Variants in ZNF7 observed in about 807,000 individuals in gnomAD.
ZNF7 encodes zinc finger protein 7.
In ZNF7, 10 loss-of-function variants were observed where a neutral mutation model predicts 12.0. The ratio of observed to expected loss-of-function variants is 0.83; its 90% confidence interval spans 0.51 to 1.42. ZNF7 has a LOEUF of 1.42. Ranked by LOEUF, ZNF7 falls within the 40% of genes most tolerant of loss-of-function variation. The pLI, the probability that ZNF7 is intolerant of heterozygous loss-of-function variation, is 0.00. For missense variants in ZNF7, 854 were observed against 837.2 expected, an observed-to-expected ratio of 1.02 and a Z score of -0.25; for synonymous variants, 334 against 295.0, an observed-to-expected ratio of 1.13 and a Z score of -1.35.
chr8:144,838,584 C>A (rs1332908381), intron 4 of ZNF7: 1 of 159,960 alleles, frequency 6.3e-6, no homozygotes, highest in Non-Finnish European at 1.4e-5. Context: ...GGACCAGGTC[C>A]TACAGAGGCC....
rs776192932 is a variant in ZNF7, at chr8:144,837,461, C to A, written c.201C>A (p.Asp67Glu). The change falls in exon 4 of 5, where the codon GAC becomes GAA. Residue 67 changes from aspartate to glutamate, a missense_variant. Asp to Glu is a conservative substitution (Grantham distance 45). Transcript: ENST00000532777. ...LEQGEEPWVL[D>E]LQGAEGTEAP... Reference sequence around the variant, plus strand: ...AGGGAGAAGAGCCATGGGTCCTCGACCTGCAGGGAGCAGAGGGGACAGAGG... The same window carrying A: ...AGGGAGAAGAGCCATGGGTCCTCGAACTGCAGGGAGCAGAGGGGACAGAGG... 27 of 1,613,172 alleles carry A rather than the reference C, an allele frequency of 1.7e-5. No homozygotes were observed. Among genetic ancestry groups the A allele is most frequent in the Non-Finnish European group, 2.3e-5 (27 of 1,179,264 alleles).
Position 144,837,508 on chromosome 8 carries a change from G to A in ZNF7, c.247+1G>A. 6.2e-7 allele frequency: 1 copy of A among 1,605,890 alleles called. No homozygotes were observed. The highest frequency in any genetic ancestry group is 8.5e-7 in the Non-Finnish European group (1 of 1,173,654). On this transcript the variant is annotated splice_donor_variant, in intron 4 of 4. Transcript: ENST00000532777. LOFTEE classifies it high-confidence loss of function. Reference sequence around the variant, plus strand: ...GAGGCACCAAGGACCTCCAAGACAGGTGAGGCTTAGATCCCATCGCAGAGA... The same window carrying A: ...GAGGCACCAAGGACCTCCAAGACAGATGAGGCTTAGATCCCATCGCAGAGA...
In ZNF7 at chr8:144,831,752, C is replaced by T. The variant is rs182102398; in HGVS notation, c.130+2148C>T. On this transcript the variant is annotated intron_variant, in intron 3 of 4. Transcript: ENST00000532777. ...GAGCTGAGATCGCACCACTGCAATCCGGCCTGGGCAACAGAGCGAGACTCC... is the reference window on the plus strand; with the variant it reads ...GAGCTGAGATCGCACCACTGCAATCTGGCCTGGGCAACAGAGCGAGACTCC... 2.0e-4 allele frequency among the ~76,000 whole-genome samples: 19 copies of T among 93,304 alleles called. 4 individuals are homozygous for T. Among genetic ancestry groups the T allele is most frequent in the African/African-American group, 4.9e-4 (15 of 30,912 alleles). The allele number at this position is 93,304 out of a possible 152,430, so 61.2% of individuals were successfully genotyped here.
downstream of ZNF7, chr8:144,846,197 T>C (rs1042583010): frequency 5.9e-6 from 9 of 1,535,216 alleles, no homozygotes; most frequent in African/African-American, 1.1e-4. Flanking sequence ...GATTCTGTGC[T>C]AACCATAATG....
chr8:144,842,436 C>G lies in ZNF7; in HGVS notation c.1329C>G (p.Cys443Trp). The change falls in exon 5 of 5, where the codon TGC becomes TGG. Residue 443 changes from cysteine to tryptophan, a missense_variant. Cys to Trp is a radical substitution (Grantham distance 215). Coordinates refer to ENST00000532777, the MANE Select transcript of ZNF7 (RefSeq NM_003416.4). ...LIHTGEKPYK[C>W]NKCTKAFGCS... ...ACACTGGAGAGAAGCCTTATAAATG[C>G]AACAAGTGTACAAAAGCCTTTGGTT... 1 of 1,613,982 alleles carries G rather than the reference C, an allele frequency of 6.2e-7. No homozygotes were observed. Among genetic ancestry groups the G allele is most frequent in the Non-Finnish European group, 8.5e-7 (1 of 1,179,996 alleles).
chr8:144,837,571 C>A (rs537360564), intron 4 of ZNF7, 64 bp downstream of exon 4: 3 of 1,299,530 alleles, frequency 2.3e-6, no homozygotes, highest in African/African-American at 2.9e-5. Context: ...AGGGGCCTCA[C>A]AACTGTGGGT....
intron 4 of ZNF7, chr8:144,841,109 A>G: frequency 2.1e-6 from 1 of 486,972 alleles, no homozygotes; most frequent in East Asian, 3.5e-5. Flanking sequence ...CTCTCTGCTC[A>G]CAGAACCCAG....
chr8:144,827,777 G>C, intron 1 of ZNF7, 168 bp downstream of exon 1: 1 of 776,886 alleles, frequency 1.3e-6, no homozygotes, highest in Non-Finnish European at 1.6e-6. Context: ...GTGGGAGGTG[G>C]TCGAGCCCAG....
downstream of ZNF7, among the ~76,000 whole-genome samples, chr8:144,845,592 T>C (rs1327320519): frequency 6.6e-6 from 1 of 152,212 alleles, no homozygotes; most frequent in Non-Finnish European, 1.5e-5. Flanking sequence ...TCCATTTGAT[T>C]TTCTCACACA....
At chr8:144,846,633 T>G (rs139307053), downstream of ZNF7, 1,446 of 160,192 alleles carry the variant, frequency 9.0e-3, 23 homozygotes, top group African/African-American at 0.032. Context: ...GCTGGGTCAG[T>G]TCAATAGAAG....
rs1398210459 is a variant in ZNF7, at chr8:144,841,792, CA to C, written c.692del (p.Lys231SerfsTer59). On this transcript the variant is annotated frameshift_variant, in exon 5 of 5. Transcript: ENST00000532777. LOFTEE classifies it low-confidence loss of function (END_TRUNC). Reference sequence around the variant, plus strand: ...GAAAATTAGCAGATGTCAAGAATGCCAAAAAAAGTTATCTGACTGCTTGCAG... The same window carrying C: ...GAAAATTAGCAGATGTCAAGAATGCCAAAAAAGTTATCTGACTGCTTGCAG... ...TQKISRCQEC[Q>X]KKLSDCLQGK... 1 of 1,613,978 alleles carries C rather than the reference CA, an allele frequency of 6.2e-7. No homozygotes were observed. Among genetic ancestry groups the C allele is most frequent in the Non-Finnish European group, 8.5e-7 (1 of 1,180,008 alleles).
intron 3 of ZNF7, among the ~76,000 whole-genome samples, chr8:144,831,885 C>T (rs901041854): frequency 9.9e-6 from 1 of 100,528 alleles, no homozygotes; most frequent in African/African-American, 2.9e-5. Flanking sequence ...CATGGTGTTG[C>T]ATGCCTGTAG....
At chr8:144,830,529 T>A (rs1828322579) in intron 3 of ZNF7, among the ~76,000 whole-genome samples, 2 of 152,254 alleles carry the variant, frequency 1.3e-5, no homozygotes. Context: ...GTTTCTTCAT[T>A]CTGTCTAAGA....
rs1828091655 is a variant in ZNF7, at chr8:144,828,733, C to T, written c.-45-310C>T. The T allele has an allele frequency of 5.4e-5, 20 of 372,124 alleles. No homozygotes were observed. In the South Asian group the frequency reaches 7.7e-4, roughly 14 times the overall value. 23.1% of individuals were successfully genotyped at this position (372,124 alleles called of 1,614,324 possible). ...TTTAACTCTTTCCTCCGCCAGACTGCTTCGTGAAGGCAGGGTCCTCGTGTC... is the reference window on the plus strand; with the variant it reads ...TTTAACTCTTTCCTCCGCCAGACTGTTTCGTGAAGGCAGGGTCCTCGTGTC... On this transcript the variant is annotated intron_variant, in intron 1 of 4. Coordinates refer to ENST00000532777, the MANE Select transcript of ZNF7 (RefSeq NM_003416.4).
In ZNF7 at chr8:144,843,330, C is replaced by CTG. The variant is rs903115128; in HGVS notation, c.*164_*165dup. 44 of 858,918 alleles carry CTG rather than the reference C, an allele frequency of 5.1e-5. No individual in the cohort carries two copies. The highest frequency in any genetic ancestry group is 6.8e-5 in the Non-Finnish European group (40 of 589,604). 53.2% of individuals were successfully genotyped at this position (858,918 alleles called of 1,614,324 possible). A position where few individuals can be genotyped will look rare whatever the true frequency, so the allele number is the denominator to read the frequency against. On this transcript the variant is annotated 3_prime_UTR_variant, in exon 5 of 5. Coordinates refer to ENST00000532777, the MANE Select transcript of ZNF7 (RefSeq NM_003416.4). ...TCAGGCCGAGTGTGGTGGCTTATGCCTGTCATCCCAGCACTTTGGGAGGCC... is the reference window on the plus strand; with the variant it reads ...TCAGGCCGAGTGTGGTGGCTTATGCCTGTGTCATCCCAGCACTTTGGGAGGCC...
chr8:144,843,078 C>T lies in ZNF7; in HGVS notation c.1971C>T (p.Thr657=), dbSNP rs145249149. Residue 657 remains threonine, a synonymous_variant, in exon 5 of 5, where the codon ACC becomes ACT. Transcript: ENST00000532777. ...TAATTATACACCAGAGAATTCACAC[C>T]GGGGAGAAGCCTTATAAATGCAATG... ...SHLIIHQRIH[T]GEKPYKCNDC... is the part of the protein sequence containing the mutation. The T allele has an allele frequency of 2.3e-4, 367 of 1,613,340 alleles. No homozygotes were observed. Among genetic ancestry groups the T allele is most frequent in the African/African-American group, 5.3e-4 (40 of 74,944 alleles).
In ZNF7 at chr8:144,841,469, G is replaced by A. The variant is rs778694550; in HGVS notation, c.362G>A (p.Gly121Asp). The A allele has an allele frequency of 3.1e-6, 5 of 1,614,188 alleles. No individual in the cohort carries two copies. The South Asian group carries it at 5.5e-5, about 18-fold the overall frequency. ...ISPQDFPQNP[G>D]FGDVSDSEVW... is the part of the protein sequence containing the mutation. ...CCACAGGACTTTCCTCAGAATCCTG[G>A]CTTTGGAGACGTTTCTGATTCTGAG... Residue 121 changes from glycine to aspartate, a missense_variant, in exon 5 of 5, where the codon GGC (glycine) becomes GAC (aspartate). Physicochemically the swap from Gly to Asp is moderately conservative, Grantham distance 94. Transcript: ENST00000532777.
intron 3 of ZNF7, chr8:144,830,899 G>A (rs1021945798): frequency 8.1e-5 from 37 of 457,634 alleles, no homozygotes; most frequent in Admixed American, 6.1e-4. Context: ...GTGCCCAGCC[G>A]GAGTAAGGGT....
chr8:144,831,218 G>A (rs1426908565), intron 3 of ZNF7, among the ~76,000 whole-genome samples: 1 of 152,190 alleles, frequency 6.6e-6, no homozygotes, highest in Non-Finnish European at 1.5e-5. Context: ...AGGCTCAAAG[G>A]TACAGCTGCT....
Sources: gnomAD v4.1 joint callset for allele counts (sites outside exome capture counted in the v4.1 genomes callset) on GRCh38, gnomAD v4.1.1 for gene constraint, MANE v1.5 for transcripts, NCBI Gene and HGNC (gene_info 2026-07-23, HGNC 2026-07-21) for gene names.